SLC44A5: variants seen among roughly 807,000 people sequenced by gnomAD.
SLC44A5 encodes choline transporter-like protein 5.
A neutral mutation model predicts 101.8 loss-of-function variants in SLC44A5; 57 were observed. The ratio of observed to expected loss-of-function variants is 0.56; its 90% confidence interval spans 0.45 to 0.70. The LOEUF is 0.70. Among genes scored for constraint, SLC44A5 ranks in the 30% least tolerant of loss-of-function variants. The pLI is 0.00. For synonymous variants in SLC44A5, 281 were observed against 290.9 expected (o/e 0.97, Z 0.35); for missense variants, 737 against 853.1 (o/e 0.86, Z 1.70).
chr1:75,323,855 T>C (rs937153248), intron 4 of SLC44A5, among the ~76,000 whole-genome samples: 4 of 152,212 alleles, frequency 2.6e-5, no homozygotes, highest in Non-Finnish European at 5.9e-5. Context: ...AAAATGGCTA[T>C]TGAGCTCATT....
chr1:75,385,802 A>C (rs1252100744), intron 3 of SLC44A5, among the ~76,000 whole-genome samples: 1 of 152,034 alleles, frequency 6.6e-6, no homozygotes, highest in Non-Finnish European at 1.5e-5. Context: ...TGATGCAAAA[A>C]TCCTCAATAA....
chr1:75,610,032 C>T (rs1675560689), intron 1 of SLC44A5, among the ~76,000 whole-genome samples: 1 of 151,716 alleles, frequency 6.6e-6, no homozygotes, highest in Admixed American at 6.6e-5. Context: ...GGTCTGTTCC[C>T]AAGATAGATC....
chr1:75,474,263 C>T (rs1225885332), intron 2 of SLC44A5, among the ~76,000 whole-genome samples: 2 of 152,084 alleles, frequency 1.3e-5, no homozygotes. Context: ...CACTTACTGT[C>T]GATAGTAAAT....
rs1479961231 is a variant in SLC44A5, at chr1:75,345,053, A to G, written c.53-5423T>C. On this transcript the variant is annotated intron_variant, in intron 3 of 23. Transcript: ENST00000370859. ...TGTCAATGTAATTTTGATATCTTATATATTTAATTTAGATTATGAAAATAC... is the reference window on the plus strand; with the variant it reads ...TGTCAATGTAATTTTGATATCTTATGTATTTAATTTAGATTATGAAAATAC... Among the ~76,000 whole-genome samples the G allele has an allele frequency of 2.6e-5, 4 of 152,180 alleles. No individual in the cohort carries two copies. In the East Asian group the frequency reaches 7.7e-4, roughly 29 times the overall value.
intron 2 of SLC44A5, among the ~76,000 whole-genome samples, chr1:75,442,265 G>GA (rs976085906): frequency 3.3e-5 from 5 of 151,600 alleles, no homozygotes; most frequent in Admixed American, 2.6e-4. Flanking sequence ...GCTGCTAAAG[G>GA]AAAAAAAATA....
At chr1:75,701,297 C>G in the SLC44A5 span, among the ~76,000 whole-genome samples, 44,731 of 152,056 alleles carry the variant, frequency 0.29, 6,789 homozygotes, top group Non-Finnish European at 0.33. Flanking sequence ...ACATCAAAAA[C>G]CTTGTCCACC....
At chr1:75,265,015 G>T (rs2100706705) in intron 6 of SLC44A5, among the ~76,000 whole-genome samples, 1 of 152,144 alleles carries the variant, frequency 6.6e-6, no homozygotes, top group African/African-American at 2.4e-5. Flanking sequence ...CTAGAAAAAT[G>T]GATAAATTCA....
chr1:75,722,064 T>C, the SLC44A5 span, among the ~76,000 whole-genome samples: 12 of 152,204 alleles, frequency 7.9e-5, no homozygotes, highest in Non-Finnish European at 1.2e-4. Flanking sequence ...AGCTAAAGTA[T>C]TCTGAACTGA....
At chr1:75,393,367 C>A (rs1207360176) in intron 3 of SLC44A5, among the ~76,000 whole-genome samples, 1 of 152,088 alleles carries the variant, frequency 6.6e-6, no homozygotes, top group Non-Finnish European at 1.5e-5. Flanking sequence ...TACACATATG[C>A]CCATACATAT....
At chr1:75,277,762 GAGA>G (rs979684049) in intron 5 of SLC44A5, among the ~76,000 whole-genome samples, 16 of 152,166 alleles carry the variant, frequency 1.1e-4, no homozygotes, top group African/African-American at 3.6e-4. Context: ...GAAGTGTCAA[GAGA>G]AGAATACTTC....
At chr1:75,707,385 T>G in the SLC44A5 span, among the ~76,000 whole-genome samples, 1 of 152,138 alleles carries the variant, frequency 6.6e-6, no homozygotes, top group African/African-American at 2.4e-5. Context: ...TTTTTTTCCC[T>G]CCTTTCTGAG....
At chr1:75,357,201 C>T (rs1476784104) in intron 3 of SLC44A5, 1 of 455,714 alleles carries the variant, frequency 2.2e-6, no homozygotes, top group African/African-American at 2.0e-5. Flanking sequence ...TTTTCTTGGC[C>T]TTAGTTGCTG....
intron 6 of SLC44A5, among the ~76,000 whole-genome samples, chr1:75,274,690 T>C (rs1651773225): frequency 1.3e-5 from 2 of 152,168 alleles, no homozygotes; most frequent in African/African-American, 4.8e-5. Context: ...ATAAAATCAT[T>C]GGTCCAATCT....
the SLC44A5 span, among the ~76,000 whole-genome samples, chr1:75,690,827 T>C: frequency 6.6e-6 from 1 of 152,076 alleles, no homozygotes; most frequent in African/African-American, 2.4e-5. Flanking sequence ...ATTCCACCCA[T>C]TGGTTAAAGA....
chr1:75,638,057 A>G, the SLC44A5 span, among the ~76,000 whole-genome samples: 1 of 152,048 alleles, frequency 6.6e-6, no homozygotes, highest in Admixed American at 6.6e-5. Flanking sequence ...AATATTTATT[A>G]TAATTGTGTA....
At chr1:75,581,214 T>C (rs993610826) in intron 1 of SLC44A5, among the ~76,000 whole-genome samples, 1 of 152,194 alleles carries the variant, frequency 6.6e-6, no homozygotes, top group African/African-American at 2.4e-5. Context: ...TTCACATTAG[T>C]AGACAAAATC....
chr1:75,692,255 A>T, the SLC44A5 span, among the ~76,000 whole-genome samples: 2 of 129,592 alleles, frequency 1.5e-5, no homozygotes, highest in East Asian at 4.3e-4. Context: ...ATGCAGTGGC[A>T]CGAACTTGGC....
intron 1 of SLC44A5, among the ~76,000 whole-genome samples, chr1:75,541,991 T>C (rs536373828): frequency 1.3e-5 from 2 of 152,284 alleles, no homozygotes; most frequent in East Asian, 3.9e-4. Context: ...GTTTTTTAAA[T>C]GGTATTATAT....
chr1:75,649,050 G>A, the SLC44A5 span, among the ~76,000 whole-genome samples: 16 of 152,222 alleles, frequency 1.1e-4, no homozygotes, highest in Admixed American at 5.9e-4. Context: ...AAACTATTGG[G>A]TAACTAACTC....
Sources: allele counts gnomAD v4.1 joint callset (sites outside exome capture counted in the v4.1 genomes callset), GRCh38; gene constraint gnomAD v4.1.1; transcripts MANE v1.5; gene names NCBI Gene and HGNC (gene_info 2026-07-23, HGNC 2026-07-21).